Variants in CACNB4 observed in about 807,000 individuals in gnomAD.
CACNB4 encodes the protein calcium voltage-gated channel auxiliary subunit beta 4, also known as voltage-dependent L-type calcium channel subunit beta-4.
CACNB4 carries 32 observed loss-of-function variants against 71.2 expected under a neutral mutation model. That is an observed-to-expected ratio of 0.45 (90% CI 0.34 to 0.60). The LOEUF (loss-of-function observed/expected upper bound fraction) is 0.60. CACNB4 is among the 20% of genes least tolerant of loss of function. CACNB4 has a pLI of 0.01. For synonymous variants in CACNB4, 231 were observed against 236.9 expected (o/e 0.97, Z 0.23); for missense variants, 464 against 647.9 (o/e 0.72, Z 3.08).
At chr2:152,031,885 G>A (rs1009859007) in intron 2 of CACNB4, among the ~76,000 whole-genome samples, 2 of 152,178 alleles carry the variant, frequency 1.3e-5, no homozygotes, top group African/African-American at 4.8e-5. Flanking sequence ...GTTGGCATTA[G>A]GCTCTCTAAA....
Position 151,933,130 on chromosome 2 carries a change from T to C in CACNB4, c.148-49760A>G, listed in dbSNP as rs369357227. Among the ~76,000 whole-genome samples, 15 of 151,280 alleles carry C rather than the reference T, an allele frequency of 9.9e-5. No individual in the cohort carries two copies. In the East Asian group the frequency reaches 1.8e-3, roughly 18 times the overall value. On this transcript the variant is annotated intron_variant, in intron 2 of 13. Coordinates refer to ENST00000539935, the MANE Select transcript of CACNB4 (RefSeq NM_000726.5). ...TGTTATGGCAGCTCCAAGAAACTGATATATTAGGCTGGTGCAAAAGTAATT... is the reference window on the plus strand; with the variant it reads ...TGTTATGGCAGCTCCAAGAAACTGACATATTAGGCTGGTGCAAAAGTAATT...
At chr2:152,014,145 G>A (rs569435954) in intron 2 of CACNB4, among the ~76,000 whole-genome samples, 18 of 152,304 alleles carry the variant, frequency 1.2e-4, no homozygotes, top group Non-Finnish European at 2.1e-4. Flanking sequence ...TCAGGAGTTT[G>A]AAACCAGCCT....
chr2:151,940,742 A>C (rs946001463), intron 2 of CACNB4, among the ~76,000 whole-genome samples: 2 of 152,192 alleles, frequency 1.3e-5, no homozygotes, highest in African/African-American at 4.8e-5. Context: ...TTAACTGTCT[A>C]TGGTGGGCAA....
At chr2:151,902,795 TA>T (rs765387185) in intron 2 of CACNB4, among the ~76,000 whole-genome samples, 111 of 145,812 alleles carry the variant, frequency 7.6e-4, no homozygotes, top group Admixed American at 8.9e-4. Context: ...GGATAGAAAT[TA>T]AAAAAAAAAA....
chr2:152,084,284 A>T (rs1687526282), intron 2 of CACNB4, among the ~76,000 whole-genome samples: 1 of 152,208 alleles, frequency 6.6e-6, no homozygotes, highest in Non-Finnish European at 1.5e-5. Flanking sequence ...AGTGACCCAG[A>T]GTTGCGAAAG....
At chr2:151,883,488 A>T in intron 2 of CACNB4, 118 bp from the exon 3 acceptor site, 2 of 881,832 alleles carry the variant, frequency 2.3e-6, no homozygotes, top group South Asian at 2.7e-5. Context: ...CACACACTCC[A>T]TGCCTTATTG....
chr2:151,970,545 CA>C (rs2099872236), intron 2 of CACNB4: 4 of 152,018 alleles, frequency 2.6e-5, no homozygotes, highest in Admixed American at 2.6e-4. Context: ...AAATCTACTG[CA>C]AATCAGATGA....
At chr2:151,998,235 G>A (rs907965929) in intron 2 of CACNB4, among the ~76,000 whole-genome samples, 2 of 145,836 alleles carry the variant, frequency 1.4e-5, no homozygotes, top group South Asian at 4.4e-4. Context: ...TCAGACAAGA[G>A]AATCGCTTGA....
chr2:151,990,140 CCTTT>C (rs1482321662), intron 2 of CACNB4, among the ~76,000 whole-genome samples: 2 of 152,188 alleles, frequency 1.3e-5, no homozygotes, highest in East Asian at 1.9e-4. Context: ...ATGACACCTC[CCTTT>C]CTTTAAGATA....
At chr2:152,091,195 G>C (rs1261126369) in intron 2 of CACNB4, among the ~76,000 whole-genome samples, 2 of 152,088 alleles carry the variant, frequency 1.3e-5, no homozygotes, top group African/African-American at 4.8e-5. Context: ...CCCAAAACAA[G>C]AAGAAGCACA....
chr2:151,908,516 C>G (rs2151527253), intron 2 of CACNB4, among the ~76,000 whole-genome samples: 1 of 152,184 alleles, frequency 6.6e-6, no homozygotes. Context: ...TAGGAATCTG[C>G]AACTCAAAGA....
chr2:152,061,027 G>C (rs1685984371), intron 2 of CACNB4, among the ~76,000 whole-genome samples: 1 of 152,100 alleles, frequency 6.6e-6, no homozygotes. Flanking sequence ...TTTAAAACTG[G>C]CTGGGCAAGA....
At position 151,836,394 on chromosome 2, in the gene CACNB4, T is replaced by C. The variant is rs2099834899; in HGVS notation, c.*2725A>G. 6.6e-6 allele frequency: 1 copy of C among 151,852 alleles called. No homozygotes were observed. Among genetic ancestry groups the C allele is most frequent in the African/African-American group, 2.4e-5 (1 of 41,436 alleles). 9.4% of individuals were successfully genotyped at this position (151,852 alleles called of 1,614,324 possible). A position where few individuals can be genotyped will look rare whatever the true frequency, so the allele number is the denominator to read the frequency against. On this transcript the variant is annotated 3_prime_UTR_variant, in exon 14 of 14. Coordinates refer to ENST00000539935, the MANE Select transcript of CACNB4 (RefSeq NM_000726.5). ...GTGTGCTTGGCAAAAATAAAACTTT[T>C]CATTTAGTATATATCTAGATTTTAA... is the stretch of plus-strand genomic sequence containing the variant.
chr2:151,948,794 T>C (rs556993038), intron 2 of CACNB4, among the ~76,000 whole-genome samples: 2 of 152,310 alleles, frequency 1.3e-5, no homozygotes, highest in South Asian at 4.1e-4. Context: ...GTAAGTGGAA[T>C]AAGGTGGGAC....
intron 2 of CACNB4, among the ~76,000 whole-genome samples, chr2:152,008,719 T>C (rs1682875285): frequency 6.6e-6 from 1 of 152,170 alleles, no homozygotes; most frequent in South Asian, 2.1e-4. Flanking sequence ...TGCCACTTAA[T>C]ATGGAGTCTG....
chr2:151,889,810 G>A (rs1393086459), intron 2 of CACNB4, among the ~76,000 whole-genome samples: 2 of 152,136 alleles, frequency 1.3e-5, no homozygotes, highest in Non-Finnish European at 2.9e-5. Context: ...GCCTAGCAGG[G>A]TCCAGGCTGC....
intron 2 of CACNB4, among the ~76,000 whole-genome samples, chr2:151,958,354 C>T (rs777419139): frequency 5.9e-5 from 9 of 152,248 alleles, no homozygotes; most frequent in South Asian, 2.1e-4. Context: ...TCCTGGTAAC[C>T]GGGAGTCCCA....
chr2:152,009,248 C>A (rs1322141915), intron 2 of CACNB4, among the ~76,000 whole-genome samples: 2 of 151,346 alleles, frequency 1.3e-5, no homozygotes, highest in East Asian at 1.9e-4. Flanking sequence ...CAAAGTAGCT[C>A]AAAGCAGATT....
chr2:151,972,231 C>A (rs1187721360), intron 2 of CACNB4: 1 of 152,498 alleles, frequency 6.6e-6, no homozygotes, highest in African/African-American at 2.4e-5. Context: ...TAAAATGACT[C>A]CAGTCCACTT....
Sources: gnomAD v4.1 joint callset for allele counts (sites outside exome capture counted in the v4.1 genomes callset) on GRCh38, gnomAD v4.1.1 for gene constraint, MANE v1.5 for transcripts, NCBI Gene and HGNC (gene_info 2026-07-23, HGNC 2026-07-21) for gene names.